Variants in IGF2BP3 observed in about 807,000 individuals in gnomAD.
IGF2BP3 encodes the protein insulin-like growth factor 2 mRNA-binding protein 3.
A neutral mutation model predicts 73.8 loss-of-function variants in IGF2BP3; 9 were observed. The ratio of observed to expected loss-of-function variants is 0.12; its 90% CI spans 0.07 to 0.21. The LOEUF (loss-of-function observed/expected upper bound fraction) is 0.21. Among genes scored for constraint, IGF2BP3 ranks in the 10% least tolerant of loss-of-function variants. IGF2BP3 has a pLI of 1.00. For synonymous variants in IGF2BP3, 258 were observed against 256.7 expected (o/e 1.01, Z -0.05); for missense variants, 542 against 714.0 (o/e 0.76, Z 2.75).
intron 2 of IGF2BP3, among the ~76,000 whole-genome samples, chr7:23,465,472 G>A (rs900381394): frequency 1.3e-5 from 2 of 152,120 alleles, no homozygotes; most frequent in Non-Finnish European, 2.9e-5. Flanking sequence ...TCAGTAATTG[G>A]GAGCTAAGCT....
rs1395465781 is a variant in IGF2BP3, at chr7:23,429,082, A to AG, written c.237-10259dup. Among the ~76,000 whole-genome samples, 7 of 152,306 alleles carry AG rather than the reference A, an allele frequency of 4.6e-5. No homozygotes were observed. In the East Asian group the frequency reaches 1.3e-3, roughly 29 times the overall value. On this transcript the variant is annotated intron_variant, in intron 2 of 14. Transcript: ENST00000258729. ...CATGGATCCTTGATCCCTTTTAGTCAGAAAAAGTACAGAGAGACTACAATC... is the reference window on the plus strand; with the variant it reads ...CATGGATCCTTGATCCCTTTTAGTCAGGAAAAAGTACAGAGAGACTACAATC...
At position 23,371,871 on chromosome 7, in the gene IGF2BP3, G is replaced by A. The variant is rs769527345; in HGVS notation, c.286-10130C>T. Among the ~76,000 whole-genome samples the A allele has an allele frequency of 5.9e-5, 9 of 152,088 alleles. No homozygotes were observed. The South Asian group carries it at 1.5e-3, about 25-fold the overall frequency. On this transcript the variant is annotated intron_variant, in intron 3 of 14. Coordinates refer to ENST00000258729, the MANE Select transcript of IGF2BP3 (RefSeq NM_006547.3). ...TGAGAGAGAACAGTCCAAGTTATCC[G>A]GCCACACTGGACTCTCTGAGAGAGA...
chr7:23,353,692 G>A (rs911609908), intron 5 of IGF2BP3, among the ~76,000 whole-genome samples: 4 of 152,176 alleles, frequency 2.6e-5, no homozygotes, highest in East Asian at 3.9e-4. Flanking sequence ...AATGTCTTGC[G>A]ATATTTCCAT....
intron 5 of IGF2BP3, among the ~76,000 whole-genome samples, chr7:23,360,083 A>C (rs1785187993): frequency 6.6e-6 from 1 of 151,426 alleles, no homozygotes; most frequent in African/African-American, 2.4e-5. Flanking sequence ...CTAGATTGGC[A>C]AAGTTTGATA....
chr7:23,431,892 C>A (rs536971334), intron 2 of IGF2BP3, among the ~76,000 whole-genome samples: 2 of 152,202 alleles, frequency 1.3e-5, no homozygotes, highest in South Asian at 4.1e-4. Context: ...GTTAACAGGG[C>A]GAGTCTCAAA....
chr7:23,388,367 C>T (rs1477621444), intron 3 of IGF2BP3, among the ~76,000 whole-genome samples: 1 of 152,116 alleles, frequency 6.6e-6, no homozygotes. Context: ...TGAGGGCCTA[C>T]GTATTCAACT....
At chr7:23,410,780 A>G (rs1471753244) in intron 3 of IGF2BP3, among the ~76,000 whole-genome samples, 1 of 152,244 alleles carries the variant, frequency 6.6e-6, no homozygotes, top group African/African-American at 2.4e-5. Context: ...TTGAAACCAA[A>G]TCATAATAAC....
Position 23,312,837 on chromosome 7 carries a change from A to T in IGF2BP3, c.1539T>A (p.Leu513=). The T allele has an allele frequency of 1.9e-6, 3 of 1,604,840 alleles. No individual in the cohort carries two copies. Among genetic ancestry groups the T allele is most frequent in the Non-Finnish European group, 2.6e-6 (3 of 1,175,228 alleles). ...IGKGGKTVNE[L]QNLSSAEVVV... ...CAACTTCTGCACTTGACAAATTCTG[A>T]AGTTCATTCACCTGAAAGAGATAAA... Residue 513 remains leucine, a synonymous_variant, in exon 14 of 15, where the codon CTT becomes CTA. Coordinates refer to ENST00000258729, the MANE Select transcript of IGF2BP3 (RefSeq NM_006547.3).
At position 23,430,499 on chromosome 7, in the gene IGF2BP3, T is replaced by C. The variant is rs955808715; in HGVS notation, c.237-11675A>G. Among the ~76,000 whole-genome samples the C allele has an allele frequency of 5.3e-5, 8 of 152,366 alleles. No homozygotes were observed. In the South Asian group the frequency reaches 1.7e-3, roughly 32 times the overall value. ...TTTCCAACCCGCCACTTGGTGGCAC[T>C]CTGTACCGGCTGCAAATTTTCATTC... On this transcript the variant is annotated intron_variant, in intron 2 of 14. Coordinates refer to ENST00000258729, the MANE Select transcript of IGF2BP3 (RefSeq NM_006547.3).
At chr7:23,337,651 G>A (rs546743808) in intron 10 of IGF2BP3, among the ~76,000 whole-genome samples, 13 of 152,326 alleles carry the variant, frequency 8.5e-5, no homozygotes, top group African/African-American at 3.1e-4. Flanking sequence ...AGTATGAAAA[G>A]CTATCCTCAG....
chr7:23,443,674 A>G (rs976638759), intron 2 of IGF2BP3, among the ~76,000 whole-genome samples: 2 of 151,998 alleles, frequency 1.3e-5, no homozygotes, highest in African/African-American at 2.4e-5. Context: ...TTCCATCTCA[A>G]AAATAATAAT....
intron 3 of IGF2BP3, among the ~76,000 whole-genome samples, chr7:23,368,215 T>C (rs1262441554): frequency 6.6e-6 from 1 of 151,990 alleles, no homozygotes; most frequent in Non-Finnish European, 1.5e-5. Flanking sequence ...TGGAATATTA[T>C]TCAACCATAA....
At chr7:23,468,614 C>T in intron 1 of IGF2BP3, 72 bp from the exon 2 acceptor site, 1 of 1,491,820 alleles carries the variant, frequency 6.7e-7, no homozygotes, top group Non-Finnish European at 9.4e-7. Flanking sequence ...CCGCACAGCC[C>T]AAGCGGCGAC....
chr7:23,442,549 T>C (rs1787961400), intron 2 of IGF2BP3, among the ~76,000 whole-genome samples: 1 of 151,910 alleles, frequency 6.6e-6, no homozygotes, highest in African/African-American at 2.4e-5. Context: ...AGGCACCCAC[T>C]ACCACGCCCA....
chr7:23,347,765 G>C (rs373180061), intron 6 of IGF2BP3, 31 bp from the exon 7 acceptor site: 3 of 1,613,696 alleles, frequency 1.9e-6, no homozygotes, highest in South Asian at 2.2e-5. Context: ...AGAGGAAAAC[G>C]AGAGCAGTAA....
intron 10 of IGF2BP3, among the ~76,000 whole-genome samples, chr7:23,336,635 T>C (rs916385110): frequency 2.0e-5 from 3 of 152,100 alleles, no homozygotes; most frequent in African/African-American, 7.2e-5. Context: ...TCATTGCTTC[T>C]TTTTGGCTTC....
intron 2 of IGF2BP3, among the ~76,000 whole-genome samples, chr7:23,438,199 A>T (rs549609180): frequency 4.0e-4 from 61 of 152,330 alleles, no homozygotes; most frequent in African/African-American, 1.5e-3. Context: ...GGCTCACTGC[A>T]ACCTCCACCT....
intron 3 of IGF2BP3, among the ~76,000 whole-genome samples, chr7:23,375,964 C>T (rs1316380450): frequency 6.6e-6 from 1 of 152,212 alleles, no homozygotes; most frequent in Non-Finnish European, 1.5e-5. Context: ...CTCAATCTCT[C>T]ACTACCGACT....
intron 2 of IGF2BP3, among the ~76,000 whole-genome samples, chr7:23,447,872 T>C (rs995561783): frequency 2.0e-5 from 3 of 152,122 alleles, no homozygotes; most frequent in Non-Finnish European, 4.4e-5. Context: ...TTTTGGCTAC[T>C]CAGGAGACTG....
Sources: gnomAD v4.1 joint callset for allele counts (sites outside exome capture counted in the v4.1 genomes callset) on GRCh38, gnomAD v4.1.1 for gene constraint, MANE v1.5 for transcripts, NCBI Gene and HGNC (gene_info 2026-07-23, HGNC 2026-07-21) for gene names.